PLEKHA3: variants seen among roughly 807,000 people sequenced by gnomAD.
PLEKHA3 encodes pleckstrin homology domain-containing family A member 3.
PLEKHA3 carries 19 observed loss-of-function variants against 39.2 expected under a neutral mutation model. The ratio of observed to expected loss-of-function variants is 0.48; its 90% CI spans 0.34 to 0.71. The LOEUF (loss-of-function observed/expected upper bound fraction) is 0.71, where lower values mean the gene tolerates loss of function less well. Ranked by LOEUF, PLEKHA3 falls within the 30% of genes least tolerant of loss-of-function variation. The pLI is 0.01. For missense variants in PLEKHA3, 253 were observed against 359.5 expected, an observed-to-expected ratio of 0.70 and a Z score of 2.40; for synonymous variants, 97 against 118.6, an observed-to-expected ratio of 0.82 and a Z score of 1.18.
At chr2:178,481,553 G>A (rs374387881) in intron 1 of PLEKHA3, among the ~76,000 whole-genome samples, 9 of 152,128 alleles carry the variant, frequency 5.9e-5, no homozygotes, top group African/African-American at 2.2e-4. Flanking sequence ...CTGTGAAGTG[G>A]GTTGGAAGGA....
intron 1 of PLEKHA3, chr2:178,481,844 G>A (rs551445028): frequency 2.4e-5 from 2 of 82,458 alleles, no homozygotes; most frequent in African/African-American, 5.6e-5. Flanking sequence ...AGATTTTTTG[G>A]GGGGGGGGGG....
At position 178,510,627 on chromosome 2, in the gene PLEKHA3, G is replaced by A. The variant is rs1685669878; in HGVS notation, c.*6740G>A. On this transcript the variant is annotated 3_prime_UTR_variant, in exon 8 of 8. Transcript: ENST00000234453. ...TGCCAAATGTCTCTCCCTTCCAAAG[G>A]ACGTAGTGCTCTACATAGTGTTGGA... The A allele has an allele frequency of 6.5e-6, 1 of 153,778 alleles. No individual in the cohort carries two copies. Among genetic ancestry groups the A allele is most frequent in the African/African-American group, 2.4e-5 (1 of 41,450 alleles). 9.5% of individuals were successfully genotyped at this position (153,778 alleles called of 1,614,324 possible).
In PLEKHA3 at chr2:178,506,300, A is replaced by T. The variant is rs1685600149; in HGVS notation, c.*2413A>T. 1 of 152,150 alleles carries T rather than the reference A, an allele frequency of 6.6e-6. No homozygotes were observed. Among genetic ancestry groups the T allele is most frequent in the Non-Finnish European group, 1.5e-5 (1 of 68,022 alleles). 9.4% of individuals were successfully genotyped at this position (152,150 alleles called of 1,614,324 possible). On this transcript the variant is annotated 3_prime_UTR_variant, in exon 8 of 8. Coordinates refer to ENST00000234453, the MANE Select transcript of PLEKHA3 (RefSeq NM_019091.4). Reference sequence around the variant, plus strand: ...TATCAGTGATCTTCTAAGCAAAAGCAGTGCTTGTTTTTCATTTCAAGTGCT... The same window carrying T: ...TATCAGTGATCTTCTAAGCAAAAGCTGTGCTTGTTTTTCATTTCAAGTGCT...
intron 4 of PLEKHA3, among the ~76,000 whole-genome samples, chr2:178,494,760 G>T (rs891782742): frequency 6.6e-6 from 1 of 152,028 alleles, no homozygotes; most frequent in African/African-American, 2.4e-5. Context: ...TTCTCCTAAT[G>T]CCCCAGGTGT....
At position 178,501,183 on chromosome 2, in the gene PLEKHA3, G is replaced by A; in HGVS notation, c.775+7G>A. The A allele has an allele frequency of 6.3e-7, 1 of 1,595,704 alleles. No homozygotes were observed. Among genetic ancestry groups the A allele is most frequent in the South Asian group, 1.1e-5 (1 of 89,450 alleles). On this transcript the variant is annotated splice_region_variant and intron_variant, in intron 7 of 7. Coordinates refer to ENST00000234453, the MANE Select transcript of PLEKHA3 (RefSeq NM_019091.4). Reference sequence around the variant, plus strand: ...CCTCTTGAAGACCCAGATAGTAAGTGACATAGATTCTGTCTCTTTCTTTGG... The same window carrying A: ...CCTCTTGAAGACCCAGATAGTAAGTAACATAGATTCTGTCTCTTTCTTTGG...
chr2:178,501,643 T>C (rs1204920943), intron 7 of PLEKHA3, among the ~76,000 whole-genome samples: 1 of 151,970 alleles, frequency 6.6e-6, no homozygotes, highest in Non-Finnish European at 1.5e-5. Flanking sequence ...ACCTTTTTCT[T>C]CCTTATTAAA....
Position 178,513,712 on chromosome 2 carries a change from G to A in PLEKHA3, c.*9825G>A, listed in dbSNP as rs1438334921. On this transcript the variant is annotated 3_prime_UTR_variant, in exon 8 of 8. Transcript: ENST00000234453. ...AAGATGAGACAAATTTGCTGTAGAA[G>A]TTACCACTACTTGGTCAAAATAGAG... 1 of 150,950 alleles carries A rather than the reference G, an allele frequency of 6.6e-6. No individual in the cohort carries two copies. Among genetic ancestry groups the A allele is most frequent in the Non-Finnish European group, 1.5e-5 (1 of 67,846 alleles). The allele number at this position is 150,950 out of a possible 1,614,324, so 9.4% of individuals were successfully genotyped here.
chr2:178,481,303 A>G (rs1325484061), intron 1 of PLEKHA3, among the ~76,000 whole-genome samples: 1 of 152,178 alleles, frequency 6.6e-6, no homozygotes, highest in East Asian at 1.9e-4. Context: ...AATTGTTTCA[A>G]CTACAAGATT....
chr2:178,496,489 C>T (rs1685448705), intron 5 of PLEKHA3, among the ~76,000 whole-genome samples: 1 of 149,402 alleles, frequency 6.7e-6, no homozygotes. Flanking sequence ...TTCCTAGGTT[C>T]TCTTACCTAT....
At position 178,485,680 on chromosome 2, in the gene PLEKHA3, T is replaced by C; in HGVS notation, c.80T>C (p.Leu27Ser). ...PRWFVLDNGI[L>S]SYYDSQDDVC... ...TGGTTTGTTTTAGATAATGGAATCT[T>C]ATCCTACTATGATTCACAAGATGAT... The change falls in exon 2 of 8, where the codon TTA becomes TCA. Residue 27 changes from leucine to serine, a missense_variant. This residue lies in a region of PLEKHA3 where 126 missense variants were observed against 222.7 expected (regional missense o/e 0.57). Transcript: ENST00000234453. 1 of 1,613,844 alleles carries C rather than the reference T, an allele frequency of 6.2e-7. No homozygotes were observed. Among genetic ancestry groups the C allele is most frequent in the Non-Finnish European group, 8.5e-7 (1 of 1,179,876 alleles).
At chr2:178,488,604 A>G (rs1685294616) in intron 2 of PLEKHA3, among the ~76,000 whole-genome samples, 1 of 152,150 alleles carries the variant, frequency 6.6e-6, no homozygotes, top group Admixed American at 6.5e-5. Context: ...CCTTGTGCAG[A>G]TATTACATTG....
At chr2:178,491,010 C>CTTT (rs1204723389) in intron 3 of PLEKHA3, among the ~76,000 whole-genome samples, 196 bp downstream of exon 3, 13 of 129,526 alleles carry the variant, frequency 1.0e-4, no homozygotes, top group South Asian at 2.5e-4. Flanking sequence ...CTCTTTCTTT[C>CTTT]TTTTTTTTTT....
chr2:178,488,129 AG>A (rs766939912), intron 2 of PLEKHA3, among the ~76,000 whole-genome samples: 9 of 151,730 alleles, frequency 5.9e-5, no homozygotes, highest in East Asian at 5.8e-4. Context: ...AAAAAAAAAA[AG>A]GGTTGAATGT....
Position 178,493,837 on chromosome 2 carries a change from T to A in PLEKHA3, c.314-16T>A. On this transcript the variant is annotated splice_polypyrimidine_tract_variant and intron_variant, in intron 3 of 7. Transcript: ENST00000234453. ...TGAAAATGATCTAACTGTATATTTA[T>A]GTATATTCTTTTCAGAAATAAGTGA... The A allele has an allele frequency of 6.2e-7, 1 of 1,603,896 alleles. No individual in the cohort carries two copies. The highest frequency in any genetic ancestry group is 8.5e-7 in the Non-Finnish European group (1 of 1,171,852).
chr2:178,502,982 A>G (rs1685549846), intron 7 of PLEKHA3, among the ~76,000 whole-genome samples: 1 of 152,052 alleles, frequency 6.6e-6, no homozygotes, highest in East Asian at 1.9e-4. Context: ...TCCAGAAAGT[A>G]TATATTTTGC....
Position 178,514,899 on chromosome 2 carries a change from T to C in PLEKHA3, c.*11012T>C, listed in dbSNP as rs1473844579. 1 of 152,182 alleles carries C rather than the reference T, an allele frequency of 6.6e-6. No homozygotes were observed. Among genetic ancestry groups the C allele is most frequent in the African/African-American group, 2.4e-5 (1 of 41,434 alleles). The allele number at this position is 152,182 out of a possible 1,614,324, so 9.4% of individuals were successfully genotyped here. On this transcript the variant is annotated 3_prime_UTR_variant, in exon 8 of 8. Coordinates refer to ENST00000234453, the MANE Select transcript of PLEKHA3 (RefSeq NM_019091.4). ...TTTGGTTAATCTAGGCCATGACCTT[T>C]GAGGGGAAAAGGCACAGATTGCAAC...
intron 7 of PLEKHA3, among the ~76,000 whole-genome samples, chr2:178,503,479 C>CA (rs1276832826): frequency 2.0e-5 from 3 of 151,826 alleles, no homozygotes; most frequent in Non-Finnish European, 4.4e-5. Flanking sequence ...TATTGACTAC[C>CA]TATTATGTGC....
At chr2:178,490,864 T>A (rs1188205939) in intron 3 of PLEKHA3, 50 bp downstream of exon 3, 6 of 1,436,498 alleles carry the variant, frequency 4.2e-6, no homozygotes, top group Non-Finnish European at 5.6e-6. Context: ...TAAATATAAA[T>A]ATAAATGTAA....
chr2:178,504,587 T>G lies in PLEKHA3; in HGVS notation c.*700T>G, dbSNP rs1685577285. On this transcript the variant is annotated 3_prime_UTR_variant, in exon 8 of 8. Coordinates refer to ENST00000234453, the MANE Select transcript of PLEKHA3 (RefSeq NM_019091.4). The stretch of plus-strand genomic sequence containing the variant: ...TCTAACTTTTGTGACCTACCAAATT[T>G]AAGATGTGTATACGTTGTTCTTTAC... 1 of 152,340 alleles carries G rather than the reference T, an allele frequency of 6.6e-6. No individual in the cohort carries two copies. The highest frequency in any genetic ancestry group is 2.1e-4 in the South Asian group (1 of 4,834). 9.4% of individuals were successfully genotyped at this position (152,340 alleles called of 1,614,324 possible).
Sources: gnomAD v4.1 joint callset for allele counts (sites outside exome capture counted in the v4.1 genomes callset) on GRCh38, gnomAD v4.1.1 for gene constraint, gnomAD v4.1.1 regional missense constraint, MANE v1.5 for transcripts, NCBI Gene and HGNC (gene_info 2026-07-23, HGNC 2026-07-21) for gene names.